The following DUSP13B variants were observed in gnomAD, a reference collection of about 807,000 sequenced individuals.
DUSP13B encodes dual specificity protein phosphatase 13B.
the DUSP13B span, chr10:75,099,015 G>T: frequency 1.6e-6 from 2 of 1,232,356 alleles, no homozygotes; most frequent in Non-Finnish European, 2.0e-6. Flanking sequence ...TACAGGCCCT[G>T]GGTTTTCCTC....
the DUSP13B span, among the ~76,000 whole-genome samples, chr10:75,095,264 G>T: frequency 2.0e-5 from 3 of 152,178 alleles, no homozygotes; most frequent in African/African-American, 7.2e-5. Flanking sequence ...CTATGCCAAG[G>T]CCTCATCTTA....
At chr10:75,097,207 C>CTT in the DUSP13B span, among the ~76,000 whole-genome samples, 3 of 149,388 alleles carry the variant, frequency 2.0e-5, no homozygotes, top group South Asian at 2.1e-4. Flanking sequence ...TTCCTTTTTC[C>CTT]TTTTTTTTTT....
At chr10:75,107,796 TG>T in the DUSP13B span, among the ~76,000 whole-genome samples, 3 of 152,112 alleles carry the variant, frequency 2.0e-5, no homozygotes, top group African/African-American at 7.2e-5. Context: ...AGGCTGGTCT[TG>T]AACTCCTGAC....
chr10:75,105,672 G>T, the DUSP13B span: 3 of 1,548,812 alleles, frequency 1.9e-6, no homozygotes, highest in Non-Finnish European at 2.6e-6. Context: ...TGGCCCCTCA[G>T]CTCTGGCCGG....
At chr10:75,108,670 G>C in the DUSP13B span, among the ~76,000 whole-genome samples, 1 of 152,196 alleles carries the variant, frequency 6.6e-6, no homozygotes, top group African/African-American at 2.4e-5. Context: ...GGGAGGCTGG[G>C]CCCAGAAACA....
chr10:75,103,816 C>T, the DUSP13B span: 3 of 1,146,870 alleles, frequency 2.6e-6, no homozygotes, highest in African/African-American at 1.6e-5. Flanking sequence ...CTCTCCTCCC[C>T]TCCCCACTTT....
the DUSP13B span, among the ~76,000 whole-genome samples, chr10:75,107,243 G>A: frequency 6.6e-6 from 1 of 151,744 alleles, no homozygotes. Context: ...GCTGAGACAC[G>A]AAAATTGCTT....
chr10:75,102,497 A>G, the DUSP13B span, among the ~76,000 whole-genome samples: 5 of 152,202 alleles, frequency 3.3e-5, no homozygotes, highest in African/African-American at 1.2e-4. Flanking sequence ...GAGAAGGAAG[A>G]TCAAATAAAC....
chr10:75,098,049 C>T, the DUSP13B span, among the ~76,000 whole-genome samples: 2 of 152,222 alleles, frequency 1.3e-5, no homozygotes, highest in African/African-American at 4.8e-5. Flanking sequence ...GGGCTGAGGC[C>T]TAGAACCCTT....
At chr10:75,105,915 A>C in the DUSP13B span, 1 of 1,522,168 alleles carries the variant, frequency 6.6e-7, no homozygotes, top group South Asian at 1.2e-5. Context: ...ACACCGGCCC[A>C]CCCACGGGCT....
At chr10:75,099,585 T>A in the DUSP13B span, 1 of 1,228,198 alleles carries the variant, frequency 8.1e-7, no homozygotes, top group Non-Finnish European at 1.0e-6. Context: ...GGGTGGGGCC[T>A]GAGAGCCGAC....
the DUSP13B span, among the ~76,000 whole-genome samples, chr10:75,100,894 C>T: frequency 6.6e-6 from 1 of 152,262 alleles, no homozygotes; most frequent in Admixed American, 6.5e-5. Flanking sequence ...GTGCCCAAGA[C>T]ATCGGGCAGA....
the DUSP13B span, chr10:75,099,129 C>A: frequency 6.5e-6 from 8 of 1,232,160 alleles, no homozygotes; most frequent in Non-Finnish European, 8.1e-6. Flanking sequence ...CCCTGCGGAG[C>A]TGGATTTTCA....
the DUSP13B span, chr10:75,097,592 C>A: frequency 6.7e-6 from 6 of 890,536 alleles, no homozygotes; most frequent in East Asian, 2.9e-5. Flanking sequence ...GGGAAAGAGA[C>A]GGTGGGAGGC....
the DUSP13B span, chr10:75,095,608 G>A: frequency 6.8e-6 from 11 of 1,614,122 alleles, no homozygotes; most frequent in Middle Eastern, 1.7e-4. Flanking sequence ...CGGATGTATC[G>A]AGCAACAGGC....
chr10:75,101,934 G>T, the DUSP13B span: 2 of 1,367,812 alleles, frequency 1.5e-6, no homozygotes, highest in South Asian at 2.3e-5. Flanking sequence ...GCTTTCAGCC[G>T]CCTGTCTCCG....
chr10:75,101,700 C>T, the DUSP13B span, among the ~76,000 whole-genome samples: 1 of 152,184 alleles, frequency 6.6e-6, no homozygotes, highest in Non-Finnish European at 1.5e-5. Context: ...ACCCAGGTCT[C>T]TCTGACTCTA....
At chr10:75,094,783 C>G in the DUSP13B span, 1 of 1,614,124 alleles carries the variant, frequency 6.2e-7, no homozygotes, top group East Asian at 2.2e-5. Flanking sequence ...GTCTGGATGG[C>G]CTCTACCAGC....
the DUSP13B span, among the ~76,000 whole-genome samples, chr10:75,107,611 C>CTT: frequency 6.6e-6 from 1 of 152,014 alleles, no homozygotes; most frequent in Non-Finnish European, 1.5e-5. Context: ...GAGTTTCGCC[C>CTT]TTTTGCCCAG....
Sources: gnomAD v4.1 joint callset for allele counts (sites outside exome capture counted in the v4.1 genomes callset) on GRCh38, gnomAD v4.1.1 for gene constraint, MANE v1.5 for transcripts, NCBI Gene and HGNC (gene_info 2026-07-23, HGNC 2026-07-21) for gene names.